The following MSI2 variants were observed in gnomAD, a reference collection of about 807,000 sequenced individuals.
MSI2 encodes RNA-binding protein Musashi homolog 2.
A neutral mutation model predicts 45.6 loss-of-function variants in MSI2; 17 were observed. That is an observed-to-expected ratio of 0.37 (90% CI 0.26 to 0.56). MSI2 has a LOEUF of 0.56. Among genes scored for constraint, MSI2 ranks in the 20% least tolerant of loss-of-function variants. MSI2 has a pLI of 0.77. For synonymous variants in MSI2, 156 were observed against 158.2 expected, an observed-to-expected ratio of 0.99 and a Z score of 0.11; for missense variants, 293 against 444.2, an observed-to-expected ratio of 0.66 and a Z score of 3.06.
At chr17:57,414,434 A>AGCG (rs1415158789) in intron 6 of MSI2, among the ~76,000 whole-genome samples, 2 of 151,924 alleles carry the variant, frequency 1.3e-5, no homozygotes, top group African/African-American at 4.8e-5. Flanking sequence ...TTGTTGCCCA[A>AGCG]GCTGGAGTGC....
chr17:57,562,696 T>G (rs2087607916), intron 7 of MSI2, among the ~76,000 whole-genome samples: 1 of 152,228 alleles, frequency 6.6e-6, no homozygotes. Context: ...CTGCAAACAC[T>G]GACAGGCAAA....
chr17:57,301,731 G>A (rs946545065), intron 5 of MSI2, among the ~76,000 whole-genome samples: 2 of 150,716 alleles, frequency 1.3e-5, no homozygotes, highest in East Asian at 1.9e-4. Context: ...TTGAGTTGCC[G>A]AGTTTAATTT....
chr17:57,364,729 T>C (rs1041463474), intron 5 of MSI2, among the ~76,000 whole-genome samples: 3 of 152,026 alleles, frequency 2.0e-5, no homozygotes, highest in African/African-American at 7.3e-5. Context: ...CCTGAATGTT[T>C]AGTGGGAAAG....
At chr17:57,350,375 G>A (rs16958250) in intron 5 of MSI2, among the ~76,000 whole-genome samples, 13,200 of 152,030 alleles carry the variant, frequency 0.087, 1,870 homozygotes, top group African/African-American at 0.3. Context: ...TATTTGTCCT[G>A]CATGAATGCC....
chr17:57,350,787 C>T (rs1029232485), intron 5 of MSI2, among the ~76,000 whole-genome samples: 4 of 152,288 alleles, frequency 2.6e-5, no homozygotes, highest in South Asian at 2.1e-4. Flanking sequence ...TACCATGGCA[C>T]GTTTTAGACT....
At chr17:57,414,838 T>C (rs2084264407) in intron 6 of MSI2, among the ~76,000 whole-genome samples, 1 of 152,174 alleles carries the variant, frequency 6.6e-6, no homozygotes, top group African/African-American at 2.4e-5. Flanking sequence ...TTAATAGAAC[T>C]AAGGGAATAT....
intron 6 of MSI2, among the ~76,000 whole-genome samples, chr17:57,517,286 C>T (rs947543514): frequency 6.6e-6 from 1 of 152,180 alleles, no homozygotes; most frequent in South Asian, 2.1e-4. Flanking sequence ...GGAGCAGGAA[C>T]TTCCTTGGAT....
At chr17:57,581,540 G>A (rs1275674686) in intron 7 of MSI2, among the ~76,000 whole-genome samples, 1 of 152,154 alleles carries the variant, frequency 6.6e-6, no homozygotes, top group Non-Finnish European at 1.5e-5. Context: ...TTTTGAGTAG[G>A]CTACACTGAG....
At chr17:57,646,932 T>C (rs1207578650) in intron 10 of MSI2, among the ~76,000 whole-genome samples, 1 of 152,150 alleles carries the variant, frequency 6.6e-6, no homozygotes, top group Non-Finnish European at 1.5e-5. Flanking sequence ...TGAGATTTGA[T>C]CAGCAAAATG....
chr17:57,544,133 G>A (rs1018442061), intron 7 of MSI2, among the ~76,000 whole-genome samples: 2 of 152,212 alleles, frequency 1.3e-5, no homozygotes, highest in Non-Finnish European at 2.9e-5. Flanking sequence ...GTGTGTTTGT[G>A]TGTAGGTAGG....
At chr17:57,531,750 G>A (rs2086825492) in intron 7 of MSI2, 1 of 152,264 alleles carries the variant, frequency 6.6e-6, no homozygotes, top group Non-Finnish European at 1.5e-5. Context: ...AACTCTCAGA[G>A]CCGGGCAGGG....
chr17:57,460,128 C>CAAATAAAT (rs72396563), intron 6 of MSI2, among the ~76,000 whole-genome samples: 402 of 139,002 alleles, frequency 2.9e-3, no homozygotes, highest in Admixed American at 3.7e-3. Flanking sequence ...AACTCTGTCT[C>CAAATAAAT]AAATAAATAA....
chr17:57,547,919 T>C (rs1337001695), intron 7 of MSI2, among the ~76,000 whole-genome samples: 1 of 152,088 alleles, frequency 6.6e-6, no homozygotes, highest in Non-Finnish European at 1.5e-5. Flanking sequence ...GGAGAAAGGG[T>C]GGTTGTTTGG....
At chr17:57,603,770 C>T (rs139875753) in intron 8 of MSI2, among the ~76,000 whole-genome samples, 1 of 152,350 alleles carries the variant, frequency 6.6e-6, no homozygotes, top group Non-Finnish European at 1.5e-5. Flanking sequence ...AAACTCATGG[C>T]AGCTGGGTTT....
chr17:57,498,476 C>T (rs2086025249), intron 6 of MSI2, among the ~76,000 whole-genome samples: 1 of 152,336 alleles, frequency 6.6e-6, no homozygotes, highest in South Asian at 2.1e-4. Flanking sequence ...ACCTGGCTAC[C>T]CCAGGCACAT....
intron 12 of MSI2, 126 bp downstream of exon 12, chr17:57,675,252 C>T (rs1913144664): frequency 1.1e-6 from 1 of 928,484 alleles, no homozygotes; most frequent in Non-Finnish European, 1.6e-6. Flanking sequence ...CCATCAACAT[C>T]ACACCAGCTC....
Position 57,684,635 on chromosome 17 carries a change from A to G in MSI2, c.*5118A>G, listed in dbSNP as rs1473631299. 1.8e-5 allele frequency: 3 copies of G among 162,194 alleles called. No homozygotes were observed. Among genetic ancestry groups the G allele is most frequent in the Non-Finnish European group, 4.1e-5 (3 of 73,918 alleles). 10.0% of individuals were successfully genotyped at this position (162,194 alleles called of 1,614,324 possible). On this transcript the variant is annotated 3_prime_UTR_variant, in exon 14 of 14. Coordinates refer to ENST00000284073, the MANE Select transcript of MSI2 (RefSeq NM_138962.4). ...CATCCTCTACTGTGGTCCAGAAATC[A>G]ATGTGTTTGTCTGACAAAAAAAAAA...
At chr17:57,390,920 T>C (rs1187185527) in intron 5 of MSI2, among the ~76,000 whole-genome samples, 2 of 152,148 alleles carry the variant, frequency 1.3e-5, no homozygotes, top group African/African-American at 4.8e-5. Flanking sequence ...GTTTCCCAAA[T>C]GTCATAGTGA....
intron 6 of MSI2, among the ~76,000 whole-genome samples, chr17:57,460,862 G>C (rs1440661591): frequency 3.9e-5 from 6 of 152,124 alleles, no homozygotes; most frequent in African/African-American, 1.4e-4. Flanking sequence ...GTTCTGAGGA[G>C]GGTGGCAGGC....
Sources: allele counts gnomAD v4.1 joint callset (sites outside exome capture counted in the v4.1 genomes callset), GRCh38; gene constraint gnomAD v4.1.1; transcripts MANE v1.5; gene names NCBI Gene and HGNC (gene_info 2026-07-23, HGNC 2026-07-21).